The following STEEP1 variants were observed in gnomAD, a reference collection of about 807,000 sequenced individuals.
STEEP1 encodes the protein STING1 ER exit protein 1, also known as STING ER exit protein.
A neutral mutation model predicts 19.2 loss-of-function variants in STEEP1; 3 were observed. That is an observed-to-expected ratio of 0.16 (90% CI 0.07 to 0.40). STEEP1 has a LOEUF of 0.40. STEEP1 is among the 10% of genes least tolerant of loss of function. The pLI is 0.99. For missense variants in STEEP1, 54 were observed against 177.1 expected (o/e 0.30, Z 3.94); for synonymous variants, 46 against 63.7 (o/e 0.72, Z 1.32).
chrX:119,564,014 T>TG (rs1163060693), intron 1 of STEEP1, among the ~76,000 whole-genome samples: 9 of 111,495 alleles, frequency 8.1e-5, no homozygotes, highest in African/African-American at 2.9e-4. Flanking sequence ...AATAGGCAAT[T>TG]GGAGTCTCAG....
intron 2 of STEEP1, among the ~76,000 whole-genome samples, chrX:119,546,008 G>A (rs2053201943): frequency 9.0e-6 from 1 of 110,943 alleles, no homozygotes; most frequent in Non-Finnish European, 1.9e-5. Flanking sequence ...GTATCTCCCT[G>A]ACAAAGGAAG....
chrX:119,539,244 G>A lies in STEEP1; in HGVS notation c.*483C>T, dbSNP rs758519966. 2 of 111,597 alleles carry A rather than the reference G, an allele frequency of 1.8e-5. No homozygotes were observed. Among genetic ancestry groups the A allele is most frequent in the Non-Finnish European group, 3.8e-5 (2 of 53,308 alleles). 9.2% of individuals were successfully genotyped at this position (111,597 alleles called of 1,213,427 possible). On this transcript the variant is annotated 3_prime_UTR_variant, in exon 7 of 7. Transcript: ENST00000644802. The stretch of plus-strand genomic sequence containing the variant: ...AGAAAACTCCATCTCCTAGAAAGCA[G>A]GGCAAGGCTGGGCACGGTGGCTCAC...
intron 2 of STEEP1, among the ~76,000 whole-genome samples, chrX:119,547,636 G>A (rs2053214836): frequency 9.0e-6 from 1 of 111,160 alleles, no homozygotes; most frequent in Non-Finnish European, 1.9e-5. Context: ...ATAATTAAGG[G>A]GCCTTGTTTA....
intron 2 of STEEP1, among the ~76,000 whole-genome samples, chrX:119,554,936 G>A (rs1348940493): frequency 9.1e-6 from 1 of 109,558 alleles, no homozygotes. Flanking sequence ...GGAAGACCCT[G>A]TCTTTACAAA....
At chrX:119,543,538 A>G (rs1009033884) in intron 4 of STEEP1, among the ~76,000 whole-genome samples, 2 of 110,875 alleles carry the variant, frequency 1.8e-5, no homozygotes, top group Non-Finnish European at 3.8e-5. Flanking sequence ...GCTGGAGTGC[A>G]GTGGCACAAT....
chrX:119,552,525 C>T (rs1229931519), intron 2 of STEEP1, among the ~76,000 whole-genome samples: 2 of 112,453 alleles, frequency 1.8e-5, no homozygotes, highest in South Asian at 3.7e-4. Flanking sequence ...GGGCAAGGGG[C>T]GTGGAGCTTC....
intron 5 of STEEP1, among the ~76,000 whole-genome samples, 175 bp from the exon 6 acceptor site, chrX:119,541,595 T>C (rs2053161286): frequency 8.9e-6 from 1 of 112,126 alleles, no homozygotes; most frequent in Admixed American, 9.5e-5. Context: ...GGGTATTTTG[T>C]TTGATTGCTT....
rs1288403001 is a variant in STEEP1, at chrX:119,538,475, G to C, written c.*1252C>G. The C allele has an allele frequency of 1.0e-5, 1 of 98,706 alleles. No homozygotes were observed. The highest frequency in any genetic ancestry group is 2.0e-5 in the Non-Finnish European group (1 of 49,272). The allele number at this position is 98,706 out of a possible 1,213,427, so 8.1% of individuals were successfully genotyped here. ...GAGTCTCACTCTGTCGCCCAGGCTG[G>C]AGTGCTGGAGTACAGTGGTGCAATC... On this transcript the variant is annotated 3_prime_UTR_variant, in exon 7 of 7. Transcript: ENST00000644802.
At chrX:119,552,932 G>A (rs1030984329) in intron 2 of STEEP1, among the ~76,000 whole-genome samples, 6 of 111,349 alleles carry the variant, frequency 5.4e-5, no homozygotes, top group South Asian at 3.7e-4. Context: ...GGAGGCTGAG[G>A]TGGGCAGATC....
rs372910991 is a variant in STEEP1 at position 119,542,055 on chromosome X, C to T, written c.513+450G>A. On this transcript the variant is annotated intron_variant, in intron 5 of 6. Transcript: ENST00000644802. ...TCACTGTCAGAGTTTCTTTTCTTTTCTTTTTTTTTTTTTTTTTTTTTTTTT... is the reference window on the plus strand; with the variant it reads ...TCACTGTCAGAGTTTCTTTTCTTTTTTTTTTTTTTTTTTTTTTTTTTTTTT... Among the ~76,000 whole-genome samples the T allele has an allele frequency of 3.3e-3, 271 of 82,668 alleles. 5 individuals are homozygous for T. Among genetic ancestry groups the T allele is most frequent in the African/African-American group, 9.3e-3 (190 of 20,371 alleles). 71.8% of individuals were successfully genotyped at this position (82,668 alleles called of 115,157 possible).
chrX:119,564,995 G>T (rs943698141), intron 1 of STEEP1: 1 of 319,199 alleles, frequency 3.1e-6, no homozygotes, highest in Non-Finnish European at 5.4e-6. Context: ...TTGTTCTCCT[G>T]AAGGAGTTTA....
intron 3 of STEEP1, among the ~76,000 whole-genome samples, chrX:119,545,246 G>A (rs2053193933): frequency 9.2e-6 from 1 of 108,535 alleles, no homozygotes; most frequent in Non-Finnish European, 1.9e-5. Context: ...CCAGCTACTA[G>A]AGAGGCTGAG....
At chrX:119,552,713 CTGTT>C (rs2053251901) in intron 2 of STEEP1, among the ~76,000 whole-genome samples, 1 of 112,594 alleles carries the variant, frequency 8.9e-6, no homozygotes, top group African/African-American at 3.2e-5. Context: ...CAAGGCCTGT[CTGTT>C]CAGACTTTTC....
chrX:119,550,510 A>G (rs2147351362), intron 2 of STEEP1, among the ~76,000 whole-genome samples: 1 of 111,914 alleles, frequency 8.9e-6, no homozygotes, highest in East Asian at 2.8e-4. Context: ...AGATAGCCAC[A>G]TGCAAAAGGA....
chrX:119,562,675 T>G (rs2053328701), intron 1 of STEEP1, among the ~76,000 whole-genome samples: 1 of 69,502 alleles, frequency 1.4e-5, no homozygotes. Flanking sequence ...CTACAAGAGC[T>G]AGACACTGTT....
intron 2 of STEEP1, among the ~76,000 whole-genome samples, chrX:119,559,420 G>A (rs965747994): frequency 1.8e-5 from 2 of 110,871 alleles, no homozygotes; most frequent in African/African-American, 3.3e-5. Flanking sequence ...CTTCCACCTG[G>A]AATGCTCTTC....
At chrX:119,542,048 TTCTTTTC>T (rs2053164927) in intron 5 of STEEP1, among the ~76,000 whole-genome samples, 1 of 67,106 alleles carries the variant, frequency 1.5e-5, no homozygotes, top group Admixed American at 1.9e-4. Flanking sequence ...AGAGTTTCTT[TTCTTTTC>T]TTTTTTTTTT....
intron 2 of STEEP1, among the ~76,000 whole-genome samples, chrX:119,549,862 G>C (rs754288152): frequency 8.9e-6 from 1 of 111,840 alleles, no homozygotes; most frequent in East Asian, 2.8e-4. Context: ...ATGAACTTTT[G>C]GGGAACACAT....
intron 1 of STEEP1, among the ~76,000 whole-genome samples, chrX:119,562,674 C>G (rs765312317): frequency 4.6e-4 from 35 of 75,555 alleles, no homozygotes; most frequent in African/African-American, 1.7e-3. Flanking sequence ...GCTACAAGAG[C>G]TAGACACTGT....
Sources: allele counts gnomAD v4.1 joint callset (sites outside exome capture counted in the v4.1 genomes callset), GRCh38; gene constraint gnomAD v4.1.1; transcripts MANE v1.5; gene names NCBI Gene and HGNC (gene_info 2026-07-23, HGNC 2026-07-21).